Variants in SLC24A3 observed in about 807,000 individuals in gnomAD.
SLC24A3 encodes solute carrier family 24 member 3, also known as sodium/potassium/calcium exchanger 3.
In SLC24A3, 28 loss-of-function variants were observed where a neutral mutation model predicts 75.8. The observed-to-expected ratio is 0.37, with a 90% CI of 0.27 to 0.51. The LOEUF (loss-of-function observed/expected upper bound fraction) is 0.51, where lower values mean the gene tolerates loss of function less well. Among genes scored for constraint, SLC24A3 ranks in the 20% least tolerant of loss-of-function variants. The probability of loss-of-function intolerance (pLI) is 0.94; values close to 1 mark genes in which losing one functional copy is unlikely to be tolerated. For synonymous variants in SLC24A3, 372 were observed against 334.1 expected (o/e 1.11, Z -1.24); for missense variants, 663 against 847.8 (o/e 0.78, Z 2.71).
intron 2 of SLC24A3, among the ~76,000 whole-genome samples, chr20:19,409,085 G>A (rs1239928866): frequency 6.6e-6 from 1 of 152,092 alleles, no homozygotes; most frequent in South Asian, 2.1e-4. Flanking sequence ...AGTGTTCTTG[G>A]GTCATGTTAC....
intron 1 of SLC24A3, among the ~76,000 whole-genome samples, chr20:19,234,487 T>A (rs909290949): frequency 6.6e-6 from 1 of 152,248 alleles, no homozygotes; most frequent in African/African-American, 2.4e-5. Flanking sequence ...GAGACCCTTC[T>A]ATGCTAGTGA....
chr20:19,423,716 C>T (rs1436867776), intron 2 of SLC24A3, among the ~76,000 whole-genome samples: 1 of 152,164 alleles, frequency 6.6e-6, no homozygotes, highest in African/African-American at 2.4e-5. Flanking sequence ...AGAGACATCC[C>T]TGCCCAGCCC....
chr20:19,534,568 G>A (rs902313529), intron 3 of SLC24A3, among the ~76,000 whole-genome samples: 7 of 152,158 alleles, frequency 4.6e-5, no homozygotes, highest in South Asian at 4.1e-4. Context: ...GTATCACCAC[G>A]CCTGGCTAAT....
At chr20:19,679,758 T>A (rs1158226767) in intron 9 of SLC24A3, among the ~76,000 whole-genome samples, 1 of 152,242 alleles carries the variant, frequency 6.6e-6, no homozygotes, top group East Asian at 1.9e-4. Context: ...TTCATTGTTT[T>A]CTTTTAGTTT....
intron 16 of SLC24A3, among the ~76,000 whole-genome samples, chr20:19,719,413 T>C (rs1300225365): frequency 1.3e-5 from 2 of 152,082 alleles, no homozygotes; most frequent in South Asian, 2.1e-4. Context: ...AGGGAGTTGC[T>C]GGAACCAGGT....
In SLC24A3 at chr20:19,469,639, G is replaced by A. The variant is rs575936366; in HGVS notation, c.272-45849G>A. The stretch of plus-strand genomic sequence containing the variant: ...TGCCAGTACATTCCTGTGTGACTTT[G>A]GACCTGTGACTCCACCTCAGCTCAC... On this transcript the variant is annotated intron_variant, in intron 2 of 16. Transcript: ENST00000328041. Among the ~76,000 whole-genome samples the A allele has an allele frequency of 2.0e-5, 3 of 152,290 alleles. No homozygotes were observed. In the East Asian group the frequency reaches 5.8e-4, roughly 29 times the overall value.
intron 12 of SLC24A3, among the ~76,000 whole-genome samples, chr20:19,686,004 A>G (rs1325340525): frequency 6.6e-6 from 1 of 152,178 alleles, no homozygotes; most frequent in Non-Finnish European, 1.5e-5. Flanking sequence ...GACAAATGTA[A>G]GTTTCGCAAG....
chr20:19,624,945 C>T (rs1460717082), intron 6 of SLC24A3, among the ~76,000 whole-genome samples: 2 of 152,142 alleles, frequency 1.3e-5, no homozygotes, highest in Non-Finnish European at 2.9e-5. Flanking sequence ...AATTTGAGCT[C>T]AACCCAATGG....
At chr20:19,328,349 C>T (rs1984918718) in intron 2 of SLC24A3, among the ~76,000 whole-genome samples, 1 of 152,026 alleles carries the variant, frequency 6.6e-6, no homozygotes, top group African/African-American at 2.4e-5. Context: ...TGTGACCAGG[C>T]ATACATTGTT....
chr20:19,611,779 G>C, intron 6 of SLC24A3, among the ~76,000 whole-genome samples: 1 of 152,194 alleles, frequency 6.6e-6, no homozygotes, highest in East Asian at 1.9e-4. Flanking sequence ...GTGTCCCTTT[G>C]CTTCACAATC....
chr20:19,315,382 A>C (rs1463079932), intron 2 of SLC24A3, among the ~76,000 whole-genome samples: 2 of 152,200 alleles, frequency 1.3e-5, no homozygotes, highest in African/African-American at 4.8e-5. Flanking sequence ...TTCAGGTGCA[A>C]AGAAGCAAGT....
intron 6 of SLC24A3, among the ~76,000 whole-genome samples, chr20:19,594,079 T>C (rs749176771): frequency 6.6e-6 from 1 of 152,228 alleles, no homozygotes; most frequent in Non-Finnish European, 1.5e-5. Flanking sequence ...ATTCCCGTCA[T>C]GGCCTTCGAA....
intron 2 of SLC24A3, among the ~76,000 whole-genome samples, chr20:19,308,875 A>C (rs1212010796): frequency 6.6e-6 from 1 of 152,200 alleles, no homozygotes; most frequent in Non-Finnish European, 1.5e-5. Context: ...AATGAACTAA[A>C]TGAAACATCT....
chr20:19,222,734 C>T (rs1403194589), intron 1 of SLC24A3, among the ~76,000 whole-genome samples: 3 of 151,464 alleles, frequency 2.0e-5, no homozygotes. Flanking sequence ...TTCCTTCCTT[C>T]CTTCCCTCCC....
chr20:19,220,671 A>C (rs1353532729), intron 1 of SLC24A3, among the ~76,000 whole-genome samples: 7 of 152,242 alleles, frequency 4.6e-5, no homozygotes, highest in Admixed American at 4.6e-4. Context: ...AATGGTATGC[A>C]TGAGGGTAAA....
At chr20:19,279,992 G>A (rs1169309391) in intron 1 of SLC24A3, among the ~76,000 whole-genome samples, 1 of 152,156 alleles carries the variant, frequency 6.6e-6, no homozygotes, top group Admixed American at 6.5e-5. Flanking sequence ...CTGTTCTCTG[G>A]GTCAAGGAGA....
intron 3 of SLC24A3, among the ~76,000 whole-genome samples, chr20:19,525,440 G>T (rs555532835): frequency 6.6e-6 from 1 of 152,238 alleles, no homozygotes; most frequent in African/African-American, 2.4e-5. Flanking sequence ...CAGCCCTGAG[G>T]GTCTGTGGGA....
At chr20:19,226,262 T>A (rs1019440239) in intron 1 of SLC24A3, among the ~76,000 whole-genome samples, 1 of 152,208 alleles carries the variant, frequency 6.6e-6, no homozygotes, top group African/African-American at 2.4e-5. Context: ...ATACCCTGTA[T>A]AAGACCCACT....
At chr20:19,569,070 A>G (rs897028899) in intron 3 of SLC24A3, among the ~76,000 whole-genome samples, 3 of 152,212 alleles carry the variant, frequency 2.0e-5, no homozygotes, top group Non-Finnish European at 4.4e-5. Context: ...TCAGGAACCC[A>G]AGAAAGAGTG....
Sources: allele counts gnomAD v4.1 joint callset (sites outside exome capture counted in the v4.1 genomes callset), GRCh38; gene constraint gnomAD v4.1.1; transcripts MANE v1.5; gene names NCBI Gene and HGNC (gene_info 2026-07-23, HGNC 2026-07-21).